HECW2: variants seen among roughly 807,000 people sequenced by gnomAD.
The protein encoded by HECW2 is HECT, C2 and WW domain containing E3 ubiquitin protein ligase 2, also known as E3 ubiquitin-protein ligase HECW2.
A neutral mutation model predicts 175.2 loss-of-function variants in HECW2; 61 were observed. That is an observed-to-expected ratio of 0.35 (90% CI 0.28 to 0.43). The LOEUF (loss-of-function observed/expected upper bound fraction) is 0.43, where lower values mean the gene tolerates loss of function less well. HECW2 is among the 20% of genes least tolerant of loss of function. HECW2 has a pLI of 1.00. For synonymous variants in HECW2, 671 were observed against 731.0 expected (o/e 0.92, Z 1.32); for missense variants, 1,524 against 2,000.5 (o/e 0.76, Z 4.54).
intron 2 of HECW2, among the ~76,000 whole-genome samples, chr2:196,366,764 C>T (rs544013734): frequency 6.6e-6 from 1 of 152,232 alleles, no homozygotes; most frequent in Admixed American, 6.5e-5. Context: ...ACAAATGTTT[C>T]CAAGTGAAAT....
chr2:196,435,334 T>C (rs1309078941), intron 1 of HECW2, among the ~76,000 whole-genome samples: 1 of 152,200 alleles, frequency 6.6e-6, no homozygotes. Context: ...TCTAATCTGA[T>C]AGTTTCAAGA....
At chr2:196,476,563 T>C (rs775434837) in intron 1 of HECW2, among the ~76,000 whole-genome samples, 7 of 152,112 alleles carry the variant, frequency 4.6e-5, no homozygotes, top group Admixed American at 2.0e-4. Flanking sequence ...TCTCAATAAA[T>C]GTTAGGAATT....
chr2:196,486,997 G>A (rs1687029597), intron 1 of HECW2, among the ~76,000 whole-genome samples: 2 of 151,942 alleles, frequency 1.3e-5, no homozygotes, highest in African/African-American at 4.8e-5. Flanking sequence ...AATTAGCCAG[G>A]CATGAGCCAG....
chr2:196,322,711 A>C lies in HECW2; in HGVS notation c.742-91T>G, dbSNP rs1691995200. The C allele has an allele frequency of 5.1e-6, 6 of 1,176,006 alleles. No individual in the cohort carries two copies. In the Admixed American group the frequency reaches 1.2e-4, roughly 24 times the overall value. The allele number at this position is 1,176,006 out of a possible 1,614,324, so 72.8% of individuals were successfully genotyped here. A position where few individuals can be genotyped will look rare whatever the true frequency, so the allele number is the denominator to read the frequency against. ...TTTGTATAGGAAATGGTATCTCTTA[A>C]ATTCTAACAACATACAGAGTTCCAC... On this transcript the variant is annotated intron_variant, in intron 6 of 28. Coordinates refer to ENST00000644978, the MANE Select transcript of HECW2 (RefSeq NM_001348768.2).
At chr2:196,219,267 C>T (rs1421243191) in intron 26 of HECW2, among the ~76,000 whole-genome samples, 1 of 152,184 alleles carries the variant, frequency 6.6e-6, no homozygotes, top group Non-Finnish European at 1.5e-5. Flanking sequence ...TTTCTGAAGG[C>T]TTCCTAACAT....
intron 1 of HECW2, among the ~76,000 whole-genome samples, chr2:196,590,150 G>A (rs572179867): frequency 4.6e-5 from 7 of 152,132 alleles, no homozygotes; most frequent in Non-Finnish European, 8.8e-5. Context: ...AGGGTGACCA[G>A]ATAATTATCA....
intron 2 of HECW2, among the ~76,000 whole-genome samples, chr2:196,396,690 A>T (rs1458708067): frequency 6.6e-6 from 1 of 152,226 alleles, no homozygotes; most frequent in African/African-American, 2.4e-5. Flanking sequence ...CTGAAATGTT[A>T]ACAGAGATCA....
intron 1 of HECW2, among the ~76,000 whole-genome samples, chr2:196,530,763 C>T (rs1196122919): frequency 1.3e-5 from 2 of 152,196 alleles, no homozygotes; most frequent in African/African-American, 2.4e-5. Context: ...ATCCACTCTC[C>T]ACAAGCCACT....
intron 3 of HECW2, 23 bp downstream of exon 3, chr2:196,343,634 A>C (rs781069971): frequency 1.4e-6 from 2 of 1,414,624 alleles, no homozygotes; most frequent in South Asian, 2.3e-5. Flanking sequence ...TAATAAGTTT[A>C]TATTTCACAC....
chr2:196,549,810 A>G (rs1689550080), intron 1 of HECW2, among the ~76,000 whole-genome samples: 1 of 152,236 alleles, frequency 6.6e-6, no homozygotes, highest in African/African-American at 2.4e-5. Context: ...AAGAAATGAT[A>G]CTCATAGCAA....
intron 28 of HECW2, among the ~76,000 whole-genome samples, chr2:196,208,399 A>ACATGTG (rs1687144894): frequency 6.6e-6 from 1 of 152,258 alleles, no homozygotes. Flanking sequence ...TTTATGGAGT[A>ACATGTG]CATGTGCTAA....
chr2:196,300,421 C>T (rs540011646), intron 13 of HECW2, among the ~76,000 whole-genome samples: 15 of 152,122 alleles, frequency 9.9e-5, no homozygotes, highest in Non-Finnish European at 1.9e-4. Context: ...TTGCAAATAG[C>T]ACAAACACAC....
intron 1 of HECW2, among the ~76,000 whole-genome samples, chr2:196,551,616 G>C (rs568208538): frequency 6.6e-6 from 1 of 151,820 alleles, no homozygotes; most frequent in Admixed American, 6.6e-5. Flanking sequence ...TTTTCCCTGC[G>C]CATACTATAT....
rs1686638791 is a variant in HECW2, at chr2:196,194,922, A to G, written c.*6355T>C. 6.6e-6 allele frequency: 1 copy of G among 152,210 alleles called. No individual in the cohort carries two copies. Among genetic ancestry groups the G allele is most frequent in the Non-Finnish European group, 1.5e-5 (1 of 68,026 alleles). The allele number at this position is 152,210 out of a possible 1,614,324, so 9.4% of individuals were successfully genotyped here. A position where few individuals can be genotyped will look rare whatever the true frequency, so the allele number is the denominator to read the frequency against. ...GAAATCTTAGAAATAATTTTTTTAC[A>G]GAGCCTTAATATTAAAAAGTAATCA... On this transcript the variant is annotated 3_prime_UTR_variant, in exon 29 of 29. Coordinates refer to ENST00000644978, the MANE Select transcript of HECW2 (RefSeq NM_001348768.2).
At chr2:196,306,383 C>G (rs1488147231) in intron 13 of HECW2, 105 bp downstream of exon 13, 3 of 1,202,286 alleles carry the variant, frequency 2.5e-6, no homozygotes, top group Middle Eastern at 2.5e-4. Flanking sequence ...ACACTAAGTG[C>G]TCTGGAAACA....
At chr2:196,305,944 T>C (rs1434005715) in intron 13 of HECW2, among the ~76,000 whole-genome samples, 2 of 152,194 alleles carry the variant, frequency 1.3e-5, no homozygotes, top group East Asian at 3.8e-4. Flanking sequence ...CCTCGGAGAC[T>C]CGTGGAATAA....
intron 1 of HECW2, among the ~76,000 whole-genome samples, chr2:196,576,764 G>T (rs140784854): frequency 6.6e-6 from 1 of 152,224 alleles, no homozygotes; most frequent in East Asian, 1.9e-4. Flanking sequence ...AAGCATTGTG[G>T]TGATCATTTC....
chr2:196,429,150 T>C (rs985329503), intron 2 of HECW2, among the ~76,000 whole-genome samples: 1 of 152,200 alleles, frequency 6.6e-6, no homozygotes, highest in Non-Finnish European at 1.5e-5. Context: ...GGTTTCCCAT[T>C]AGATCTCATG....
At chr2:196,317,242 A>G in intron 10 of HECW2, 32 bp downstream of exon 10, 1 of 1,498,936 alleles carries the variant, frequency 6.7e-7, no homozygotes, top group Non-Finnish European at 9.2e-7. Flanking sequence ...CCGTTTGATT[A>G]AGGTGGGCCC....
Sources: allele counts gnomAD v4.1 joint callset (sites outside exome capture counted in the v4.1 genomes callset), GRCh38; gene constraint gnomAD v4.1.1; transcripts MANE v1.5; gene names NCBI Gene and HGNC (gene_info 2026-07-23, HGNC 2026-07-21).